The following PTCD2 variants were observed in gnomAD, a reference collection of about 807,000 sequenced individuals.
PTCD2 encodes the protein pentatricopeptide repeat domain 2, also known as pentatricopeptide repeat-containing protein 2, mitochondrial.
In PTCD2, 31 loss-of-function variants were observed where a neutral mutation model predicts 42.6. That is an observed-to-expected ratio of 0.73 (90% confidence interval 0.55 to 0.98). The LOEUF (loss-of-function observed/expected upper bound fraction) is 0.98. Ranked by LOEUF, PTCD2 falls within the 50% of genes least tolerant of loss-of-function variation. The probability of loss-of-function intolerance (pLI) is 0.00; values close to 1 mark genes in which losing one functional copy is unlikely to be tolerated. For missense variants in PTCD2, 476 were observed against 454.8 expected, an observed-to-expected ratio of 1.05 and a Z score of -0.42; for synonymous variants, 183 against 170.9, an observed-to-expected ratio of 1.07 and a Z score of -0.55.
In PTCD2 at chr5:72,352,667, G is replaced by A. The variant is rs1752678933; in HGVS notation, c.855G>A (p.Met285Ile). Residue 285 changes from methionine to isoleucine, a missense_variant, in exon 9 of 10, where the codon ATG becomes ATA. By Grantham distance (10) the Met-to-Ile change is conservative. Coordinates refer to ENST00000380639, the MANE Select transcript of PTCD2 (RefSeq NM_024754.5). ...TTATAATCCATATCCAGTCAAATAT[G>A]TTGGAAAACCTGATAAAGACTCTAA... The part of the protein sequence containing the change: ...LNIIIHIQSN[M>I]LENLIKTLKN... 6.3e-7 allele frequency: 1 copy of A among 1,586,376 alleles called. No individual in the cohort carries two copies. The highest frequency in any genetic ancestry group is 1.1e-5 in the South Asian group (1 of 90,288).
At chr5:72,339,734 C>T (rs1435128978) in intron 7 of PTCD2, among the ~76,000 whole-genome samples, 1 of 138,870 alleles carries the variant, frequency 7.2e-6, no homozygotes, top group Middle Eastern at 3.4e-3. Flanking sequence ...GTCTAAGTTA[C>T]ACTGTTTGGT....
chr5:72,337,479 A>G (rs1461071028), intron 6 of PTCD2, among the ~76,000 whole-genome samples: 1 of 152,070 alleles, frequency 6.6e-6, no homozygotes, highest in Non-Finnish European at 1.5e-5. Flanking sequence ...CCCTGAGTGT[A>G]TACTGCAATG....
intron 4 of PTCD2, among the ~76,000 whole-genome samples, chr5:72,334,694 G>A (rs1751635129): frequency 6.6e-6 from 1 of 152,064 alleles, no homozygotes; most frequent in Non-Finnish European, 1.5e-5. Flanking sequence ...GGGATTACAG[G>A]TGCCCACCAC....
chr5:72,333,587 A>T (rs1397170331), intron 4 of PTCD2, among the ~76,000 whole-genome samples: 1 of 152,230 alleles, frequency 6.6e-6, no homozygotes, highest in Non-Finnish European at 1.5e-5. Context: ...CATGTGTCCC[A>T]TTATCATGGC....
At chr5:72,337,613 T>C (rs1430006455) in intron 6 of PTCD2, among the ~76,000 whole-genome samples, 2 of 152,076 alleles carry the variant, frequency 1.3e-5, no homozygotes, top group Non-Finnish European at 2.9e-5. Flanking sequence ...CTGGCCAACA[T>C]GGTGAAACCC....
intron 8 of PTCD2, among the ~76,000 whole-genome samples, chr5:72,348,979 A>G (rs573751422): frequency 5.2e-5 from 8 of 152,400 alleles, no homozygotes; most frequent in African/African-American, 1.7e-4. Flanking sequence ...CCTTCGTGGC[A>G]GCATCTTACT....
chr5:72,335,958 A>G (rs899191439), intron 6 of PTCD2, 73 bp downstream of exon 6: 2 of 788,162 alleles, frequency 2.5e-6, no homozygotes, highest in Non-Finnish European at 4.2e-6. Context: ...TCTCTCTACA[A>G]ATAAAATTCA....
chr5:72,354,998 C>A (rs572415328), intron 9 of PTCD2, among the ~76,000 whole-genome samples: 11 of 152,144 alleles, frequency 7.2e-5, no homozygotes, highest in African/African-American at 2.6e-4. Flanking sequence ...GTGTAGTATG[C>A]CTTAAGAAGG....
intron 2 of PTCD2, among the ~76,000 whole-genome samples, chr5:72,322,717 A>T (rs979209195): frequency 1.3e-5 from 2 of 152,236 alleles, no homozygotes; most frequent in Non-Finnish European, 2.9e-5. Context: ...ATCTCAGTAC[A>T]CACAAACATA....
chr5:72,364,913 G>C lies in PTCD2; in HGVS notation c.*6486G>C, dbSNP rs890710125. On this transcript the variant is annotated 3_prime_UTR_variant, in exon 10 of 10. Coordinates refer to ENST00000380639, the MANE Select transcript of PTCD2 (RefSeq NM_024754.5). ...TGGCGAGGGGTTGGGGGAGTAGGCGGTGGGCACAACGGTTCCAGGTGACTT... is the reference window on the plus strand; with the variant it reads ...TGGCGAGGGGTTGGGGGAGTAGGCGCTGGGCACAACGGTTCCAGGTGACTT... 5 of 152,358 alleles carry C rather than the reference G, an allele frequency of 3.3e-5. No individual in the cohort carries two copies. The highest frequency in any genetic ancestry group is 9.7e-5 in the African/African-American group (4 of 41,442). 9.4% of individuals were successfully genotyped at this position (152,358 alleles called of 1,614,324 possible). A position where few individuals can be genotyped will look rare whatever the true frequency, so the allele number is the denominator to read the frequency against.
chr5:72,364,362 T>G lies in PTCD2; in HGVS notation c.*5935T>G, dbSNP rs887055626. On this transcript the variant is annotated 3_prime_UTR_variant, in exon 10 of 10. Coordinates refer to ENST00000380639, the MANE Select transcript of PTCD2 (RefSeq NM_024754.5). Reference sequence around the variant, plus strand: ...GATAAGTGCTAAGTCTAGGGTAATCTTCATATCACCCTGTGGCATGTATAA... The same window carrying G: ...GATAAGTGCTAAGTCTAGGGTAATCGTCATATCACCCTGTGGCATGTATAA... 7 of 152,248 alleles carry G rather than the reference T, an allele frequency of 4.6e-5. No homozygotes were observed. Among genetic ancestry groups the G allele is most frequent in the Non-Finnish European group, 8.8e-5 (6 of 68,042 alleles). The allele number at this position is 152,248 out of a possible 1,614,324, so 9.4% of individuals were successfully genotyped here. A position where few individuals can be genotyped will look rare whatever the true frequency, so the allele number is the denominator to read the frequency against.
intron 1 of PTCD2, 30 bp downstream of exon 1, chr5:72,320,539 G>A (rs1191676725): frequency 1.2e-6 from 2 of 1,611,900 alleles, no homozygotes; most frequent in Non-Finnish European, 1.7e-6. Context: ...AGGGAAGGAG[G>A]GGAGGGATGG....
In PTCD2 at chr5:72,342,966, A is replaced by G. The variant is rs1432478083; in HGVS notation, c.758A>G (p.Glu253Gly). ...FAVALALNQN[E>G]MAKAVSIFSQ... is the part of the protein sequence containing the mutation. ...ATTTGTTTCTCTTCCTTCTAGAATG[A>G]GATGGCAAAAGCTGTGTCCATTTTT... The change falls in exon 8 of 10, where the codon GAG (glutamate) becomes GGG (glycine). Residue 253 changes from glutamate (E) to glycine (G), a missense_variant. Physicochemically the swap from Glu to Gly is moderately conservative, Grantham distance 98. Coordinates refer to ENST00000380639, the MANE Select transcript of PTCD2 (RefSeq NM_024754.5). 6.3e-7 allele frequency: 1 copy of G among 1,588,336 alleles called. No homozygotes were observed. The highest frequency in any genetic ancestry group is 2.3e-5 in the East Asian group (1 of 44,412).
At chr5:72,351,006 A>G (rs971671993) in intron 8 of PTCD2, among the ~76,000 whole-genome samples, 2 of 152,222 alleles carry the variant, frequency 1.3e-5, no homozygotes, top group South Asian at 2.1e-4. Flanking sequence ...TGTGTTAAAA[A>G]TGAGGTTTCT....
rs571403691 is a variant in PTCD2, at chr5:72,347,960, T to C, written c.829-4681T>C. 3.3e-5 allele frequency among the ~76,000 whole-genome samples: 5 copies of C among 152,308 alleles called. No individual in the cohort carries two copies. The South Asian group carries it at 1.0e-3, about 32-fold the overall frequency. On this transcript the variant is annotated intron_variant, in intron 8 of 9. Coordinates refer to ENST00000380639, the MANE Select transcript of PTCD2 (RefSeq NM_024754.5). ...AAGGACTCCATAAGTAACTTTGAAG[T>C]GATACTGAGTATGAATCATCCTCTC... is the stretch of plus-strand genomic sequence containing the variant.
chr5:72,356,209 T>G (rs1752866683), intron 9 of PTCD2, among the ~76,000 whole-genome samples: 1 of 152,258 alleles, frequency 6.6e-6, no homozygotes, highest in South Asian at 2.1e-4. Flanking sequence ...TTCCATTTTC[T>G]CAGCAGCATT....
intron 6 of PTCD2, among the ~76,000 whole-genome samples, chr5:72,337,331 C>T (rs750032432): frequency 1.6e-4 from 24 of 151,762 alleles, no homozygotes; most frequent in Non-Finnish European, 2.9e-5. Context: ...GTTTGCTGAC[C>T]TCTGGATTCA....
At chr5:72,349,756 C>A (rs1212254861) in intron 8 of PTCD2, among the ~76,000 whole-genome samples, 1 of 152,218 alleles carries the variant, frequency 6.6e-6, no homozygotes, top group East Asian at 1.9e-4. Context: ...ACCCTACTTT[C>A]ATTTTCTTTA....
At chr5:72,342,578 TTTCCA>T (rs1752127947) in intron 7 of PTCD2, among the ~76,000 whole-genome samples, 1 of 152,242 alleles carries the variant, frequency 6.6e-6, no homozygotes, top group Non-Finnish European at 1.5e-5. Context: ...CCAGCCTCCA[TTTCCA>T]ATGTTTCTGG....
Sources: allele counts gnomAD v4.1 joint callset (sites outside exome capture counted in the v4.1 genomes callset), GRCh38; gene constraint gnomAD v4.1.1; transcripts MANE v1.5; gene names NCBI Gene and HGNC (gene_info 2026-07-23, HGNC 2026-07-21).